ROBO2: variants seen among roughly 807,000 people sequenced by gnomAD.
ROBO2 encodes roundabout homolog 2.
In ROBO2, 53 loss-of-function variants were observed where a neutral mutation model predicts 160.8. The ratio of observed to expected loss-of-function variants is 0.33; its 90% CI spans 0.26 to 0.41. ROBO2 has a LOEUF of 0.41. Among genes scored for constraint, ROBO2 ranks in the 10% least tolerant of loss-of-function variants. The pLI, the probability that ROBO2 is intolerant of heterozygous loss-of-function variation, is 1.00. For missense variants in ROBO2, 1,577 were observed against 1,722.4 expected, an observed-to-expected ratio of 0.92 and a Z score of 1.49; for synonymous variants, 664 against 611.7, an observed-to-expected ratio of 1.09 and a Z score of -1.26.
At chr3:77,148,580 A>G (rs1317832174) in intron 2 of ROBO2, among the ~76,000 whole-genome samples, 2 of 152,354 alleles carry the variant, frequency 1.3e-5, no homozygotes, top group East Asian at 3.9e-4. Flanking sequence ...CAGGCTTATC[A>G]ATACAGCAAT....
At chr3:77,207,430 A>G (rs1213185462) in intron 2 of ROBO2, among the ~76,000 whole-genome samples, 2 of 152,214 alleles carry the variant, frequency 1.3e-5, no homozygotes, top group Non-Finnish European at 2.9e-5. Flanking sequence ...TTTGATCTGA[A>G]TTATGTATTT....
intron 2 of ROBO2, among the ~76,000 whole-genome samples, chr3:76,826,332 A>G (rs1187565655): frequency 3.3e-5 from 5 of 152,094 alleles, no homozygotes; most frequent in African/African-American, 1.2e-4. Context: ...AAGAATAAAG[A>G]CAGTTTCAGG....
chr3:77,081,480 G>A (rs1305006429), intron 1 of ROBO2, among the ~76,000 whole-genome samples: 1 of 152,198 alleles, frequency 6.6e-6, no homozygotes, highest in Non-Finnish European at 1.5e-5. Context: ...AACTTCTGGA[G>A]ACTAACGTGA....
intron 2 of ROBO2, among the ~76,000 whole-genome samples, chr3:76,828,356 TTAA>T (rs1176104840): frequency 6.6e-6 from 1 of 152,086 alleles, no homozygotes; most frequent in Admixed American, 6.6e-5. Context: ...GTTAATTGAT[TTAA>T]TAATATTTAA....
chr3:76,063,173 G>A (rs113535497), intron 2 of ROBO2, among the ~76,000 whole-genome samples: 3,117 of 152,212 alleles, frequency 0.02, 42 homozygotes, highest in East Asian at 0.08. Context: ...ATGAGTCACC[G>A]TATCTGGCAG....
intron 2 of ROBO2, among the ~76,000 whole-genome samples, chr3:76,011,047 G>C (rs1429315951): frequency 6.6e-6 from 1 of 152,070 alleles, no homozygotes; most frequent in Non-Finnish European, 1.5e-5. Context: ...TTAACCTTGG[G>C]TTTCAAGATA....
chr3:77,152,822 AT>A (rs554834828), intron 2 of ROBO2, among the ~76,000 whole-genome samples: 4 of 152,120 alleles, frequency 2.6e-5, no homozygotes, highest in Non-Finnish European at 4.4e-5. Flanking sequence ...GCAAAGCTCA[AT>A]TTTTTTAGTG....
intron 2 of ROBO2, among the ~76,000 whole-genome samples, chr3:76,706,325 A>G (rs1362009314): frequency 6.6e-6 from 1 of 152,094 alleles, no homozygotes; most frequent in African/African-American, 2.4e-5. Flanking sequence ...TTTTAAAAGT[A>G]TTTGGTATTA....
At chr3:77,096,739 C>T (rs1373444432) in intron 1 of ROBO2, among the ~76,000 whole-genome samples, 5 of 152,084 alleles carry the variant, frequency 3.3e-5, no homozygotes, top group African/African-American at 4.8e-5. Flanking sequence ...TGTGAGCCAC[C>T]GTGCCCGGCC....
chr3:76,628,410 A>T (rs2089808283), intron 2 of ROBO2, among the ~76,000 whole-genome samples: 1 of 144,530 alleles, frequency 6.9e-6, no homozygotes, highest in South Asian at 2.2e-4. Flanking sequence ...GACTACAGTC[A>T]CTCGCTATCC....
intron 5 of ROBO2, among the ~76,000 whole-genome samples, chr3:77,501,695 A>T (rs966623836): frequency 2.6e-5 from 4 of 151,878 alleles, no homozygotes; most frequent in Non-Finnish European, 5.9e-5. Flanking sequence ...TCACGGCAAT[A>T]TTTTTTTTCA....
intron 1 of ROBO2, among the ~76,000 whole-genome samples, chr3:77,052,261 T>C (rs1386192090): frequency 6.6e-6 from 1 of 152,190 alleles, no homozygotes; most frequent in Non-Finnish European, 1.5e-5. Context: ...TTAAAAACTT[T>C]TGTTTTTACC....
chr3:76,254,462 G>C lies in ROBO2; in HGVS notation c.109+316860G>C, dbSNP rs567716999. ...AGAATTTTTCCAGCGTGTAAATGCA[G>C]AGTCAGTCAGAGACTTAGGGAACTG... is the stretch of plus-strand genomic sequence containing the variant. On this transcript the variant is annotated intron_variant, in intron 2 of 26. Transcript: ENST00000487694. 2.2e-4 allele frequency among the ~76,000 whole-genome samples: 34 copies of C among 152,192 alleles called. 1 individual carries two copies. Among genetic ancestry groups the C allele is most frequent in the Non-Finnish European group, 4.0e-4 (27 of 67,990 alleles).
chr3:76,951,031 A>C (rs958115199), intron 2 of ROBO2, among the ~76,000 whole-genome samples: 5 of 152,184 alleles, frequency 3.3e-5, no homozygotes, highest in African/African-American at 1.2e-4. Flanking sequence ...CCTGGCCCTC[A>C]GTGTCACTTT....
At chr3:76,645,330 C>T (rs140098924) in intron 2 of ROBO2, among the ~76,000 whole-genome samples, 13 of 152,206 alleles carry the variant, frequency 8.5e-5, no homozygotes, top group East Asian at 7.7e-4. Flanking sequence ...GAATTGGAAA[C>T]AGAAATAAAA....
At chr3:76,912,097 G>A (rs959723875) in intron 2 of ROBO2, among the ~76,000 whole-genome samples, 2 of 152,080 alleles carry the variant, frequency 1.3e-5, no homozygotes, top group Non-Finnish European at 2.9e-5. Context: ...TTGAACATTA[G>A]ACATAGGATC....
At chr3:76,725,230 T>C (rs1255207913) in intron 2 of ROBO2, among the ~76,000 whole-genome samples, 2 of 152,168 alleles carry the variant, frequency 1.3e-5, no homozygotes, top group African/African-American at 2.4e-5. Context: ...CAAACTTCTC[T>C]AAATATTTTT....
intron 2 of ROBO2, among the ~76,000 whole-genome samples, chr3:76,097,983 T>G (rs2069523678): frequency 1.3e-5 from 2 of 151,880 alleles, no homozygotes; most frequent in African/African-American, 4.9e-5. Context: ...AACAGCATTT[T>G]TTGACACCCT....
At chr3:76,961,704 CT>C (rs2079677189) in intron 2 of ROBO2, among the ~76,000 whole-genome samples, 1 of 152,172 alleles carries the variant, frequency 6.6e-6, no homozygotes, top group Admixed American at 6.5e-5. Context: ...AAACTATTCC[CT>C]CCTGCTAAGC....
Sources: allele counts gnomAD v4.1 joint callset (sites outside exome capture counted in the v4.1 genomes callset), GRCh38; gene constraint gnomAD v4.1.1; transcripts MANE v1.5; gene names NCBI Gene and HGNC (gene_info 2026-07-23, HGNC 2026-07-21).